USP47: variants seen among roughly 807,000 people sequenced by gnomAD.
The protein encoded by USP47 is ubiquitin carboxyl-terminal hydrolase 47.
A neutral mutation model predicts 165.1 loss-of-function variants in USP47; 35 were observed. The ratio of observed to expected loss-of-function variants is 0.21; its 90% CI spans 0.16 to 0.28. USP47 has a LOEUF of 0.28. Among genes scored for constraint, USP47 ranks in the 10% least tolerant of loss-of-function variants. USP47 has a pLI of 1.00. For missense variants in USP47, 1,277 were observed against 1,607.4 expected (o/e 0.79, Z 3.52); for synonymous variants, 531 against 544.5 (o/e 0.98, Z 0.35).
chr11:11,861,388 A>AC (rs1849377166), intron 1 of USP47, among the ~76,000 whole-genome samples: 1 of 151,988 alleles, frequency 6.6e-6, no homozygotes, highest in South Asian at 2.1e-4. Context: ...GAGCTACCAC[A>AC]CCCGGCCCCA....
At chr11:11,936,609 A>G (rs1855093294) in intron 17 of USP47, 99 bp downstream of exon 17, 2 of 1,000,092 alleles carry the variant, frequency 2.0e-6, no homozygotes, top group South Asian at 2.4e-5. Flanking sequence ...TAAATTTTGT[A>G]TATGGTCTTA....
intron 1 of USP47, among the ~76,000 whole-genome samples, chr11:11,875,033 T>TTGTATGTGTGTGTG (rs1491193505): frequency 1.3e-4 from 12 of 95,426 alleles, no homozygotes; most frequent in South Asian, 3.4e-4. Flanking sequence ...AATTGACTTA[T>TTGTATGTGTGTGTG]TGTGTGTGTG....
Position 11,922,874 on chromosome 11 carries a change from A to G in USP47, c.1369A>G (p.Lys457Glu). 6.2e-7 allele frequency: 1 copy of G among 1,609,768 alleles called. No individual in the cohort carries two copies. Among genetic ancestry groups the G allele is most frequent in the Non-Finnish European group, 8.5e-7 (1 of 1,177,528 alleles). ...ETNSGTEKIS[K>E]SGLEKNSLIY... Reference sequence around the variant, plus strand: ...CAATAGTGGAACTGAAAAGATCTCAAAATCTGGACTTGAAAAGGTACCTTT... The same window carrying G: ...CAATAGTGGAACTGAAAAGATCTCAGAATCTGGACTTGAAAAGGTACCTTT... The change falls in exon 11 of 28, where the codon AAA (lysine) becomes GAA (glutamate). Residue 457 changes from lysine to glutamate, a missense_variant. Around this residue, in one of 4 missense-constraint regions of USP47, gnomAD observed 909 missense variants for 1,068.1 expected, o/e 0.85. Transcript: ENST00000527733.
Position 11,960,847 on chromosome 11 carries a change from A to G in USP47, c.*4672A>G, listed in dbSNP as rs76003817. Among the ~76,000 whole-genome samples, 306 of 152,290 alleles carry G rather than the reference A, an allele frequency of 2.0e-3. 2 individuals are homozygous for G. Among genetic ancestry groups the G allele is most frequent in the African/African-American group, 7.1e-3 (293 of 41,560 alleles). On this transcript the variant is annotated 3_prime_UTR_variant, in exon 28 of 28. Transcript: ENST00000527733. ...TGGAGAGGATGTGCAGACCACAGGA[A>G]TACCTAATGCCTTTTTTCTCTTCCT...
intron 3 of USP47, among the ~76,000 whole-genome samples, chr11:11,888,742 A>G (rs541701909): frequency 6.6e-6 from 1 of 152,314 alleles, no homozygotes; most frequent in South Asian, 2.1e-4. Context: ...TGGCAGAGAT[A>G]CAACAAGAAA....
intron 11 of USP47, among the ~76,000 whole-genome samples, chr11:11,926,505 G>T (rs182875345): frequency 3.3e-5 from 5 of 151,884 alleles, no homozygotes; most frequent in Admixed American, 2.6e-4. Flanking sequence ...TTTTATTTTT[G>T]TGGCTTCAGT....
At chr11:11,859,391 C>T (rs1480950420) in intron 1 of USP47, among the ~76,000 whole-genome samples, 1 of 152,122 alleles carries the variant, frequency 6.6e-6, no homozygotes, top group Non-Finnish European at 1.5e-5. Flanking sequence ...TCAGAAAACT[C>T]AAGTGGTTTG....
chr11:11,880,856 CTA>C (rs1166914747), intron 2 of USP47, among the ~76,000 whole-genome samples: 5 of 152,056 alleles, frequency 3.3e-5, no homozygotes, highest in East Asian at 1.9e-4. Flanking sequence ...ATTTGTGTGT[CTA>C]TGTGCATTTC....
At chr11:11,885,989 A>G (rs1042302470) in intron 3 of USP47, among the ~76,000 whole-genome samples, 18 of 152,246 alleles carry the variant, frequency 1.2e-4, no homozygotes, top group Non-Finnish European at 1.9e-4. Context: ...AGCAAACTGC[A>G]GCAGCCCTAT....
intron 25 of USP47, among the ~76,000 whole-genome samples, chr11:11,953,281 G>A (rs1444884596): frequency 6.6e-6 from 1 of 152,162 alleles, no homozygotes; most frequent in Non-Finnish European, 1.5e-5. Flanking sequence ...GATATCTAAG[G>A]ATCTCTGGGG....
rs559921791 is a variant in USP47 at position 11,956,995 on chromosome 11, C to G, written c.*820C>G. On this transcript the variant is annotated 3_prime_UTR_variant, in exon 28 of 28. Coordinates refer to ENST00000527733, the MANE Select transcript of USP47 (RefSeq NM_001282659.2). ...TTATTCTTTTCACGTATCATTCATT[C>G]TGTACATTTGTGTACATTGAGAAGT... 2 of 152,216 alleles carry G rather than the reference C, an allele frequency of 1.3e-5. No homozygotes were observed. Among genetic ancestry groups the G allele is most frequent in the Non-Finnish European group, 2.9e-5 (2 of 68,038 alleles). 9.4% of individuals were successfully genotyped at this position (152,216 alleles called of 1,614,324 possible).
chr11:11,925,155 TC>T (rs1854140592), intron 11 of USP47, among the ~76,000 whole-genome samples: 1 of 151,768 alleles, frequency 6.6e-6, no homozygotes, highest in African/African-American at 2.4e-5. Flanking sequence ...TCGCCCAGGC[TC>T]CAGTGAAGTG....
At chr11:11,914,602 A>T (rs1853269938) in intron 8 of USP47, among the ~76,000 whole-genome samples, 1 of 151,964 alleles carries the variant, frequency 6.6e-6, no homozygotes, top group Admixed American at 6.6e-5. Context: ...GAATCTCCAG[A>T]CATATTTGCA....
At chr11:11,915,816 C>T (rs1219540162) in intron 8 of USP47, among the ~76,000 whole-genome samples, 1 of 151,868 alleles carries the variant, frequency 6.6e-6, no homozygotes. Context: ...ATCAGTAGTA[C>T]CAAAATTGCT....
At chr11:11,931,624 C>G (rs1854671399) in intron 14 of USP47, among the ~76,000 whole-genome samples, 1 of 152,164 alleles carries the variant, frequency 6.6e-6, no homozygotes, top group Non-Finnish European at 1.5e-5. Flanking sequence ...TTTACTCCCC[C>G]AACTCTAGTT....
Position 11,955,111 on chromosome 11 carries a change from C to T in USP47, c.3840C>T (p.Thr1280=), listed in dbSNP as rs1406871218. 13 of 1,613,724 alleles carry T rather than the reference C, an allele frequency of 8.1e-6. No homozygotes were observed. The highest frequency in any genetic ancestry group is 2.5e-6 in the Non-Finnish European group (3 of 1,179,914). Residue 1280 remains threonine, a synonymous_variant, in exon 27 of 28, where the codon ACC becomes ACT. Transcript: ENST00000527733. ...QDLDWNPKVS[T]LNVWPLYICD... ...TAGACTGGAATCCTAAAGTTTCTAC[C>T]CTGAATGTCTGGCCTCTTTATATCT...
intron 1 of USP47, among the ~76,000 whole-genome samples, chr11:11,850,010 T>C (rs1414450134): frequency 2.6e-5 from 4 of 152,182 alleles, no homozygotes; most frequent in Admixed American, 2.6e-4. Context: ...TTTTCAACTA[T>C]TTTGAAACTT....
At chr11:11,873,591 A>G (rs1850209749) in intron 1 of USP47, among the ~76,000 whole-genome samples, 1 of 152,114 alleles carries the variant, frequency 6.6e-6, no homozygotes. Context: ...GGCTATTTCC[A>G]TATTTATCTT....
chr11:11,891,706 C>T (rs1851526701), intron 3 of USP47, among the ~76,000 whole-genome samples: 1 of 152,092 alleles, frequency 6.6e-6, no homozygotes, highest in South Asian at 2.1e-4. Flanking sequence ...GCCTACGTGG[C>T]CAGGATGATA....
Sources: gnomAD v4.1 joint callset for allele counts (sites outside exome capture counted in the v4.1 genomes callset) on GRCh38, gnomAD v4.1.1 for gene constraint, gnomAD v4.1.1 regional missense constraint, MANE v1.5 for transcripts, NCBI Gene and HGNC (gene_info 2026-07-23, HGNC 2026-07-21) for gene names.